Variants in MYEF2 observed in about 807,000 individuals in gnomAD.
The protein encoded by MYEF2 is myelin gene expression factor 2.
In MYEF2, 37 loss-of-function variants were observed where a neutral mutation model predicts 75.2. That is an observed-to-expected ratio of 0.49 (90% CI 0.38 to 0.65). The LOEUF is 0.65. Ranked by LOEUF, MYEF2 falls within the 30% of genes least tolerant of loss-of-function variation. The probability of loss-of-function intolerance (pLI) is 0.00; values close to 1 mark genes in which losing one functional copy is unlikely to be tolerated. For missense variants in MYEF2, 634 were observed against 771.4 expected (o/e 0.82, Z 2.11); for synonymous variants, 195 against 241.6 (o/e 0.81, Z 1.79).
rs1034022904 is a variant in MYEF2, at chr15:48,142,061, G to A, written c.*847C>T. 5.6e-6 allele frequency: 9 copies of A among 1,612,814 alleles called. No homozygotes were observed. The Admixed American group carries it at 8.3e-5, about 15-fold the overall frequency. On this transcript the variant is annotated 3_prime_UTR_variant, in exon 17 of 17. Coordinates refer to ENST00000324324, the MANE Select transcript of MYEF2 (RefSeq NM_016132.5). ...AGATATGGCTATGTCTAACATCGTG[G>A]GATCCAATGTGTTTGATATGTTGTG...
intron 10 of MYEF2, chr15:48,153,458 T>C (rs2039572682): frequency 6.3e-6 from 1 of 159,260 alleles, no homozygotes. Context: ...TAAACAGATT[T>C]TAGCTGCCTA....
chr15:48,151,555 C>T lies in MYEF2; in HGVS notation c.1224G>A (p.Ala408=), dbSNP rs145954516. ...VGRMGELYRG[A]MTSSMERDFG... is the part of the protein sequence containing the mutation. ...AATCTCGCTCCATGCTACTAGTCAT[C>T]GCACCACGGTACAGCTCTGAAAAAA... The change falls in exon 13 of 17, where the codon GCG becomes GCA. Residue 408 remains alanine, a synonymous_variant. Coordinates refer to ENST00000324324, the MANE Select transcript of MYEF2 (RefSeq NM_016132.5). The T allele has an allele frequency of 3.7e-6, 6 of 1,612,164 alleles. No homozygotes were observed. The African/African-American group carries it at 5.3e-5, about 14-fold the overall frequency.
chr15:48,162,909 A>G (rs572156077), intron 5 of MYEF2: 2 of 152,244 alleles, frequency 1.3e-5, no homozygotes, highest in Admixed American at 6.5e-5. Context: ...CCAAGACACA[A>G]TAATATTGAA....
chr15:48,166,595 G>T (rs1188734049), intron 3 of MYEF2, among the ~76,000 whole-genome samples: 1 of 151,654 alleles, frequency 6.6e-6, no homozygotes, highest in East Asian at 1.9e-4. Flanking sequence ...ATTAAAACTG[G>T]CTGCACATTT....
At chr15:48,145,361 C>A (rs2039243029) in intron 16 of MYEF2, among the ~76,000 whole-genome samples, 1 of 151,802 alleles carries the variant, frequency 6.6e-6, no homozygotes, top group South Asian at 2.1e-4. Flanking sequence ...TTTCAAATAG[C>A]TGATTAAAAT....
chr15:48,136,869 T>A lies in MYEF2; in HGVS notation c.*6039A>T, dbSNP rs768346861. On this transcript the variant is annotated 3_prime_UTR_variant, in exon 17 of 17. Transcript: ENST00000324324. ...AAGATGAAGGTCAACCATTCATTCG[T>A]CGGCAATCAAGAACTGATAGTGGAA... The A allele has an allele frequency of 2.0e-5, 33 of 1,613,788 alleles. No homozygotes were observed. The highest frequency in any genetic ancestry group is 2.7e-5 in the Non-Finnish European group (32 of 1,179,844).
At chr15:48,168,473 T>G (rs1456858153) in intron 2 of MYEF2, among the ~76,000 whole-genome samples, 158 bp downstream of exon 2, 1 of 152,100 alleles carries the variant, frequency 6.6e-6, no homozygotes, top group African/African-American at 2.4e-5. Context: ...AATGAAATTG[T>G]GTCAAGAGAA....
rs74329136 is a variant in MYEF2, at chr15:48,159,843, T to C, written c.526-39A>G. On this transcript the variant is annotated intron_variant, in intron 5 of 16. Coordinates refer to ENST00000324324, the MANE Select transcript of MYEF2 (RefSeq NM_016132.5). ...TGAATGTTAAATTCCACTAAATACA[T>C]CACTAATTCTACAAAATTAAAATAA... The C allele has an allele frequency of 5.2e-6, 8 of 1,543,526 alleles. No homozygotes were observed. In the East Asian group the frequency reaches 1.9e-4, roughly 36 times the overall value.
intron 9 of MYEF2, among the ~76,000 whole-genome samples, chr15:48,155,695 A>AC (rs1475903681): frequency 6.6e-6 from 1 of 151,988 alleles, no homozygotes; most frequent in Non-Finnish European, 1.5e-5. Flanking sequence ...CAAAGGAAAA[A>AC]AAAAAAAACT....
chr15:48,158,701 C>A (rs1223961089), intron 7 of MYEF2, 68 bp downstream of exon 7: 2 of 1,579,456 alleles, frequency 1.3e-6, no homozygotes, highest in Non-Finnish European at 8.6e-7. Context: ...AATTACCCCC[C>A]GCCAAAACAA....
chr15:48,149,008 A>G lies in MYEF2; in HGVS notation c.1639+24T>C. On this transcript the variant is annotated intron_variant, in intron 16 of 16. Transcript: ENST00000324324. This position sits in a 1 kb window ranked among gnomAD's most constrained non-coding sequence, Gnocchi z 4.0. ...TTTCCTCCATAATCAATATCAACAT[A>G]TCTGCAGTCATTTGCATACTTACCA... The G allele has an allele frequency of 6.2e-7, 1 of 1,611,228 alleles. No homozygotes were observed. The highest frequency in any genetic ancestry group is 2.2e-5 in the East Asian group (1 of 44,842).
At chr15:48,146,878 G>C (rs2039303748) in intron 16 of MYEF2, among the ~76,000 whole-genome samples, 1 of 151,988 alleles carries the variant, frequency 6.6e-6, no homozygotes, top group Admixed American at 6.6e-5. Context: ...TTGTATAGTT[G>C]TCAATAGCTG....
intron 14 of MYEF2, among the ~76,000 whole-genome samples, chr15:48,150,592 C>G (rs1460186134): frequency 6.6e-6 from 1 of 151,980 alleles, no homozygotes; most frequent in African/African-American, 2.4e-5. Context: ...AGTGTTGCAA[C>G]TACTCTTGAT....
In MYEF2 at chr15:48,149,054, T is replaced by G. The variant is rs746016107; in HGVS notation, c.1617A>C (p.Leu539=). 1.2e-6 allele frequency: 2 copies of G among 1,613,148 alleles called. No homozygotes were observed. Among genetic ancestry groups the G allele is most frequent in the South Asian group, 2.2e-5 (2 of 91,056 alleles). Residue 539 remains leucine (L), a synonymous_variant, in exon 16 of 17, where the codon CTA becomes CTC. Transcript: ENST00000324324. This position sits in a 1 kb window ranked among gnomAD's most constrained non-coding sequence, Gnocchi z 4.0. ...NLPFDLTWQK[L]KEKFSQCGHV... ...TACCACACTGACTGAATTTCTCTTTTAGTTTCTGCCAAGTCAAGTCAAAAG... is the reference window on the plus strand; with the variant it reads ...TACCACACTGACTGAATTTCTCTTTGAGTTTCTGCCAAGTCAAGTCAAAAG...
chr15:48,152,488 AT>A, intron 10 of MYEF2: 1 of 460,740 alleles, frequency 2.2e-6, no homozygotes. Context: ...TTCTTTGAAC[AT>A]TTATCAGACA....
In MYEF2 at chr15:48,135,858, G is replaced by A. The variant is rs949923283; in HGVS notation, c.*7050C>T. 1.3e-5 allele frequency: 2 copies of A among 152,024 alleles called. No homozygotes were observed. The highest frequency in any genetic ancestry group is 4.8e-5 in the African/African-American group (2 of 41,424). The allele number at this position is 152,024 out of a possible 1,614,324, so 9.4% of individuals were successfully genotyped here. Reference sequence around the variant, plus strand: ...CTCTAGTCCGTCTCCCTAAGACACTGTGTTGGTAGAATAGAAATCCTTCTA... The same window carrying A: ...CTCTAGTCCGTCTCCCTAAGACACTATGTTGGTAGAATAGAAATCCTTCTA... On this transcript the variant is annotated 3_prime_UTR_variant, in exon 17 of 17. Transcript: ENST00000324324.
intron 5 of MYEF2, 59 bp downstream of exon 5, chr15:48,165,874 T>C: frequency 2.4e-6 from 3 of 1,274,364 alleles, no homozygotes; most frequent in Non-Finnish European, 3.3e-6. Context: ...AAATTGAAAA[T>C]CCAAGGAAAA....
rs755004176 is a variant in MYEF2, at chr15:48,168,783, C to T, written c.218G>A (p.Gly73Glu). Residue 73 changes from glycine (G) to glutamate (E), a missense_variant, in exon 2 of 17, where the codon GGA becomes GAA. By Grantham distance (98) the Gly-to-Glu change is moderately conservative (BLOSUM62 -2). Coordinates refer to ENST00000324324, the MANE Select transcript of MYEF2 (RefSeq NM_016132.5). ...ATGAAATCTATTGGCCTTCTTACTT[C>T]CTGTAGATTTTTCCTTTAAGTCAGA... ...EKSDLKEKSTGSKKANRFHPY... is the reference protein window; with the variant it reads ...EKSDLKEKSTESKKANRFHPY... 5.0e-5 allele frequency: 81 copies of T among 1,613,630 alleles called. 1 individual carries two copies. Among genetic ancestry groups the T allele is most frequent in the Non-Finnish European group, 6.2e-5 (73 of 1,179,804 alleles).
intron 16 of MYEF2, among the ~76,000 whole-genome samples, chr15:48,147,558 T>C (rs756478517): frequency 7.9e-5 from 12 of 151,974 alleles, no homozygotes; most frequent in Non-Finnish European, 1.3e-4. Flanking sequence ...ACAGGATTCA[T>C]GGCCAGACAC....
Sources: allele counts gnomAD v4.1 joint callset (sites outside exome capture counted in the v4.1 genomes callset), GRCh38; gene constraint gnomAD v4.1.1; non-coding constraint Gnocchi (gnomAD v3.1); transcripts MANE v1.5; gene names NCBI Gene and HGNC (gene_info 2026-07-23, HGNC 2026-07-21).